Variants in ACP3 observed in about 807,000 individuals in gnomAD.
ACP3 encodes acid phosphatase 3.
ACP3 carries 38 observed loss-of-function variants against 45.6 expected under a neutral mutation model. The observed-to-expected ratio is 0.83, with a 90% CI of 0.64 to 1.09. The LOEUF (loss-of-function observed/expected upper bound fraction) is 1.09, where lower values mean the gene tolerates loss of function less well. Among genes scored for constraint, ACP3 ranks in the 50% least tolerant of loss-of-function variants. ACP3 has a pLI of 0.00. For missense variants in ACP3, 466 were observed against 463.2 expected (o/e 1.01, Z -0.05); for synonymous variants, 162 against 164.7 (o/e 0.98, Z 0.13).
intron 5 of ACP3, among the ~76,000 whole-genome samples, 164 bp from the exon 6 acceptor site, chr3:132,342,388 A>G (rs1263015911): frequency 1.3e-5 from 2 of 152,242 alleles, no homozygotes; most frequent in Non-Finnish European, 2.9e-5. Flanking sequence ...GTGGGAGATT[A>G]GGAATGCTAC....
rs1004358598 is a variant in ACP3, at chr3:132,358,262, G to C, written c.*1384G>C. 1 of 1,120,002 alleles carries C rather than the reference G, an allele frequency of 8.9e-7. No homozygotes were observed. 69.4% of individuals were successfully genotyped at this position (1,120,002 alleles called of 1,614,324 possible). A position where few individuals can be genotyped will look rare whatever the true frequency, so the allele number is the denominator to read the frequency against. On this transcript the variant is annotated 3_prime_UTR_variant, in exon 10 of 10. Coordinates refer to ENST00000336375, the MANE Select transcript of ACP3 (RefSeq NM_001099.5). ...GGAAGGAAGGGACACATATCAAACT[G>C]AAACAAAATTAGAAATGTAATTATG...
At chr3:132,342,755 T>C in intron 6 of ACP3, 111 bp downstream of exon 6, 1 of 604,798 alleles carries the variant, frequency 1.7e-6, no homozygotes, top group Non-Finnish European at 2.7e-6. Context: ...GTATTACTTA[T>C]ACTTCTTTTG....
chr3:132,336,448 G>A (rs1049926389), intron 4 of ACP3, among the ~76,000 whole-genome samples: 1 of 152,176 alleles, frequency 6.6e-6, no homozygotes, highest in Admixed American at 6.5e-5. Flanking sequence ...TGAAATAGAA[G>A]GGGATATGTT....
chr3:132,318,107 C>T (rs952997363), intron 1 of ACP3, among the ~76,000 whole-genome samples: 4 of 152,052 alleles, frequency 2.6e-5, no homozygotes, highest in African/African-American at 7.2e-5. Flanking sequence ...ATTTAGTTGA[C>T]GATTAAAATC....
downstream of ACP3, among the ~76,000 whole-genome samples, chr3:132,363,085 AAAATAAATAAAT>A (rs55698331): frequency 0.13 from 19,230 of 151,868 alleles, 1,422 homozygotes; most frequent in Non-Finnish European, 0.18. Flanking sequence ...ATATCATTTA[AAAATAAATAAAT>A]AAATAAATAA....
chr3:132,331,854 A>C, intron 3 of ACP3, 121 bp downstream of exon 3: 2 of 928,814 alleles, frequency 2.2e-6, no homozygotes, highest in South Asian at 3.2e-5. Flanking sequence ...TCTTGTTTAC[A>C]AATATATTCC....
intron 1 of ACP3, among the ~76,000 whole-genome samples, chr3:132,323,318 C>T (rs922215882): frequency 5.3e-5 from 8 of 152,118 alleles, no homozygotes; most frequent in Admixed American, 3.3e-4. Context: ...TCAGAACAGG[C>T]CTTTTTTGCA....
chr3:132,367,586 G>C lies in ACP3; in HGVS notation c.1139-118G>C, dbSNP rs138938201. ...GCACACACATAATGCTGATTTCAAG[G>C]CCTCTTTAGCAACTCCTCTGAAATT... On this transcript the variant is annotated intron_variant, in intron 10 of 10. Transcript: ENST00000351273. The C allele has an allele frequency of 5.3e-5, 39 of 741,690 alleles. No individual in the cohort carries two copies. The East Asian group carries it at 8.0e-4, about 15-fold the overall frequency. 45.9% of individuals were successfully genotyped at this position (741,690 alleles called of 1,614,324 possible). A position where few individuals can be genotyped will look rare whatever the true frequency, so the allele number is the denominator to read the frequency against.
At chr3:132,348,429 T>C (rs1455900842) in intron 7 of ACP3, among the ~76,000 whole-genome samples, 1 of 152,120 alleles carries the variant, frequency 6.6e-6, no homozygotes, top group Non-Finnish European at 1.5e-5. Context: ...TAAAACAGAA[T>C]ATTGATATGC....
chr3:132,320,656 T>TG (rs1937190768), intron 1 of ACP3, among the ~76,000 whole-genome samples: 1 of 151,210 alleles, frequency 6.6e-6, no homozygotes, highest in East Asian at 1.9e-4. Flanking sequence ...TCTTGGGTTT[T>TG]TTTTTTTTTT....
At chr3:132,362,079 C>T (rs990626574), downstream of ACP3, among the ~76,000 whole-genome samples, 1 of 152,188 alleles carries the variant, frequency 6.6e-6, no homozygotes. Flanking sequence ...CCATCTTATG[C>T]TTTAACTATT....
chr3:132,318,501 C>CT (rs148179427), intron 1 of ACP3, among the ~76,000 whole-genome samples: 1,867 of 139,630 alleles, frequency 0.013, 17 homozygotes, highest in Non-Finnish European at 0.02. Context: ...AAAGTTCAGG[C>CT]TTTTTTTTTT....
Position 132,358,801 on chromosome 3 carries a change from G to A in ACP3, c.*1923G>A, listed in dbSNP as rs73215943. 167,305 of 985,194 alleles carry A rather than the reference G, an allele frequency of 0.17. 14,856 individuals are homozygous for A. Among genetic ancestry groups the A allele is most frequent in the Non-Finnish European group, 0.18 (151,167 of 829,634 alleles). 61.0% of individuals were successfully genotyped at this position (985,194 alleles called of 1,614,324 possible). A position where few individuals can be genotyped will look rare whatever the true frequency, so the allele number is the denominator to read the frequency against. On this transcript the variant is annotated 3_prime_UTR_variant, in exon 10 of 10. Transcript: ENST00000336375. ...TGAACTTAGAAAAACGTATGTGTGTGTGTTTAATTAGAATAAAATTCCTCT... is the reference window on the plus strand; with the variant it reads ...TGAACTTAGAAAAACGTATGTGTGTATGTTTAATTAGAATAAAATTCCTCT...
chr3:132,354,507 C>T (rs572682155), intron 9 of ACP3, among the ~76,000 whole-genome samples: 1 of 152,160 alleles, frequency 6.6e-6, no homozygotes, highest in African/African-American at 2.4e-5. Flanking sequence ...TATTGGCACT[C>T]CAGGGAAATA....
chr3:132,330,173 G>T (rs1362634040), intron 2 of ACP3, among the ~76,000 whole-genome samples: 1 of 151,938 alleles, frequency 6.6e-6, no homozygotes, highest in African/African-American at 2.4e-5. Flanking sequence ...ACCCGCCTTG[G>T]CCTCCCAAAG....
At chr3:132,320,717 C>T (rs1294003376) in intron 1 of ACP3, among the ~76,000 whole-genome samples, 1 of 148,318 alleles carries the variant, frequency 6.7e-6, no homozygotes, top group Non-Finnish European at 1.5e-5. Flanking sequence ...ATGGCGTGAT[C>T]TTGGCTCACT....
chr3:132,351,237 G>T (rs1184907948), intron 8 of ACP3, among the ~76,000 whole-genome samples: 2 of 152,174 alleles, frequency 1.3e-5, no homozygotes, highest in Non-Finnish European at 2.9e-5. Flanking sequence ...AGCTACATTT[G>T]GGAGTAGAAA....
chr3:132,331,797 A>G, intron 3 of ACP3, 64 bp downstream of exon 3: 4 of 1,356,462 alleles, frequency 2.9e-6, no homozygotes, highest in Middle Eastern at 1.8e-4. Context: ...TTCTGCATAT[A>G]TAAAAGTGCT....
intron 8 of ACP3, among the ~76,000 whole-genome samples, chr3:132,352,377 T>TTA (rs1937767784): frequency 6.6e-6 from 1 of 150,524 alleles, no homozygotes; most frequent in South Asian, 2.1e-4. Flanking sequence ...TTTTTTTTTT[T>TTA]AGTAGGGATG....
Sources: allele counts gnomAD v4.1 joint callset (sites outside exome capture counted in the v4.1 genomes callset), GRCh38; gene constraint gnomAD v4.1.1; transcripts MANE v1.5; gene names NCBI Gene and HGNC (gene_info 2026-07-23, HGNC 2026-07-21).